The following PUM3 variants were observed in gnomAD, a reference collection of about 807,000 sequenced individuals.
PUM3 encodes the protein pumilio homolog 3.
PUM3 carries 91 observed loss-of-function variants against 84.0 expected under a neutral mutation model. The observed-to-expected ratio is 1.08, with a 90% confidence interval of 0.91 to 1.29. The LOEUF is 1.29. PUM3 is among the 50% of genes most tolerant of loss of function. The pLI is 0.00. For missense variants in PUM3, 1,067 were observed against 767.5 expected, an observed-to-expected ratio of 1.39 and a Z score of -4.61; for synonymous variants, 321 against 266.7, an observed-to-expected ratio of 1.20 and a Z score of -1.98.
At chr9:2,807,101 A>G (rs1460564583) in intron 17 of PUM3, among the ~76,000 whole-genome samples, 1 of 152,054 alleles carries the variant, frequency 6.6e-6, no homozygotes, top group East Asian at 1.9e-4. Flanking sequence ...CCAGCTACTC[A>G]GGAGGCTGAG....
chr9:2,830,187 A>C (rs1013203052), intron 7 of PUM3, among the ~76,000 whole-genome samples: 1 of 152,226 alleles, frequency 6.6e-6, no homozygotes, highest in Non-Finnish European at 1.5e-5. Flanking sequence ...TAAAAGATTC[A>C]AGGAAATAGA....
chr9:2,810,384 T>G lies in PUM3; in HGVS notation c.1683A>C (p.Leu561Phe), dbSNP rs768677846. The change falls in exon 16 of 18, where the codon TTA becomes TTC. Residue 561 changes from leucine (L) to phenylalanine (F), a missense_variant. Coordinates refer to ENST00000397885, the MANE Select transcript of PUM3 (RefSeq NM_014878.5). ...CTTTCATCTTTTTATCTTGCTCTAT[T>G]AACCACTTCAGAACTAGATGTCCTG... ...HPAGHLVLKW[L>F]IEQDKKMKEN... 6 of 1,612,552 alleles carry G rather than the reference T, an allele frequency of 3.7e-6. No individual in the cohort carries two copies. In the South Asian group the frequency reaches 6.6e-5, roughly 18 times the overall value.
intron 3 of PUM3, 109 bp downstream of exon 3, chr9:2,837,070 CA>C (rs775036259): frequency 3.0e-5 from 28 of 931,486 alleles, no homozygotes; most frequent in Non-Finnish European, 4.7e-5. Flanking sequence ...CTACCTGTCC[CA>C]AAATGTTACC....
At chr9:2,814,416 G>A (rs1386763249) in intron 13 of PUM3, among the ~76,000 whole-genome samples, 1 of 152,046 alleles carries the variant, frequency 6.6e-6, no homozygotes, top group Non-Finnish European at 1.5e-5. Flanking sequence ...TCGCCATGTT[G>A]GCCAGGCTGG....
intron 2 of PUM3, among the ~76,000 whole-genome samples, chr9:2,837,917 A>G (rs1816172557): frequency 6.6e-6 from 1 of 152,192 alleles, no homozygotes; most frequent in Non-Finnish European, 1.5e-5. Context: ...ATTATTTATC[A>G]AAAACTTTTG....
intron 1 of PUM3, among the ~76,000 whole-genome samples, chr9:2,843,791 G>C (rs1448896483): frequency 6.6e-6 from 1 of 151,810 alleles, no homozygotes; most frequent in African/African-American, 2.4e-5. Context: ...TGTTAGCCAG[G>C]ATGGTCTCGA....
intron 17 of PUM3, among the ~76,000 whole-genome samples, chr9:2,806,256 A>C (rs1230439605): frequency 6.6e-6 from 1 of 152,240 alleles, no homozygotes. Context: ...ATTTGTAATG[A>C]AAAAGTTCAT....
intron 1 of PUM3, among the ~76,000 whole-genome samples, chr9:2,843,664 C>T (rs192974034): frequency 0.043 from 6,513 of 150,156 alleles, 489 homozygotes; most frequent in African/African-American, 0.15. Flanking sequence ...CTGCAAGCTC[C>T]GCCTCCCGGG....
chr9:2,837,871 T>G (rs966040950), intron 2 of PUM3, among the ~76,000 whole-genome samples: 2 of 152,176 alleles, frequency 1.3e-5, no homozygotes, highest in African/African-American at 2.4e-5. Context: ...TTTTAAAATT[T>G]TCTAGTTTTA....
Position 2,827,088 on chromosome 9 carries a change from G to T in PUM3, c.1020C>A (p.Pro340=). 1 of 1,608,952 alleles carries T rather than the reference G, an allele frequency of 6.2e-7. No homozygotes were observed. The highest frequency in any genetic ancestry group is 1.3e-5 in the African/African-American group (1 of 74,750). ...AAGAACTTACTGATCTGAGTTTGGG[G>T]GGTGCATAGGTAAAAAAGTCCAAGA... ...KVFLDFFTYA[P]PKLRSEMIEA... Residue 340 remains proline (P), a synonymous_variant, in exon 10 of 18, where the codon CCC becomes CCA. Coordinates refer to ENST00000397885, the MANE Select transcript of PUM3 (RefSeq NM_014878.5).
intron 16 of PUM3, among the ~76,000 whole-genome samples, chr9:2,808,286 G>C (rs901907129): frequency 2.0e-5 from 3 of 152,194 alleles, no homozygotes; most frequent in Non-Finnish European, 4.4e-5. Context: ...TTGAAATCAA[G>C]TTCTTCCTCA....
At chr9:2,817,144 T>G (rs1217652256) in intron 13 of PUM3, among the ~76,000 whole-genome samples, 1 of 152,246 alleles carries the variant, frequency 6.6e-6, no homozygotes, top group Non-Finnish European at 1.5e-5. Flanking sequence ...GGATTTGGAT[T>G]AGCAAAAATT....
chr9:2,815,083 C>T (rs2129807703), intron 13 of PUM3, among the ~76,000 whole-genome samples: 1 of 152,244 alleles, frequency 6.6e-6, no homozygotes, highest in Admixed American at 6.5e-5. Flanking sequence ...TCCCCAAATT[C>T]ATTGAACTTT....
Position 2,844,092 on chromosome 9 carries a change from C to CTCCGCT in PUM3, c.-59_-58insAGCGGA, listed in dbSNP as rs1335285701. ...CTCGCGCAGCGGATCCCGACCGCCT[C>CTCCGCT]TCCGCTTCCGCTTCCTTGCCTTGCT... is the stretch of plus-strand genomic sequence containing the variant. On this transcript the variant is annotated 5_prime_UTR_variant, in exon 1 of 18. Transcript: ENST00000397885. 1.2e-5 allele frequency: 2 copies of CTCCGCT among 161,852 alleles called. No homozygotes were observed. Among genetic ancestry groups the CTCCGCT allele is most frequent in the Non-Finnish European group, 2.9e-5 (2 of 68,258 alleles). 10.0% of individuals were successfully genotyped at this position (161,852 alleles called of 1,614,324 possible).
intron 12 of PUM3, 70 bp downstream of exon 12, chr9:2,823,711 T>A: frequency 1.5e-6 from 1 of 665,750 alleles, no homozygotes; most frequent in Non-Finnish European, 2.4e-6. Flanking sequence ...TTTTTCCAAA[T>A]TTTCTATAAT....
chr9:2,843,577 T>C (rs1231769615), intron 1 of PUM3, among the ~76,000 whole-genome samples: 4 of 139,804 alleles, frequency 2.9e-5, no homozygotes, highest in African/African-American at 8.1e-5. Flanking sequence ...GCCCTTCTTT[T>C]TTTTTTTTTT....
chr9:2,810,480 C>A, intron 15 of PUM3, 49 bp from the exon 16 acceptor site: 1 of 1,301,314 alleles, frequency 7.7e-7, no homozygotes, highest in East Asian at 2.3e-5. Context: ...TTCATTCATA[C>A]AAATACATTT....
Position 2,827,080 on chromosome 9 carries a change from A to T in PUM3, c.1028T>A (p.Leu343His). 1 of 1,608,360 alleles carries T rather than the reference A, an allele frequency of 6.2e-7. No individual in the cohort carries two copies. Among genetic ancestry groups the T allele is most frequent in the Admixed American group, 1.7e-5 (1 of 59,166 alleles). Residue 343 changes from leucine (L) to histidine (H), a missense_variant, in exon 10 of 18, where the codon CTC becomes CAC. Leu to His is a moderately conservative substitution (Grantham distance 99). Coordinates refer to ENST00000397885, the MANE Select transcript of PUM3 (RefSeq NM_014878.5). Reference sequence around the variant, plus strand: ...CAAAAACCAAGAACTTACTGATCTGAGTTTGGGGGGTGCATAGGTAAAAAA... The same window carrying T: ...CAAAAACCAAGAACTTACTGATCTGTGTTTGGGGGGTGCATAGGTAAAAAA... ...LDFFTYAPPKLRSEMIEAIRE... is the reference protein window; with the variant it reads ...LDFFTYAPPKHRSEMIEAIRE...
At chr9:2,820,336 T>C (rs1265011856) in intron 12 of PUM3, among the ~76,000 whole-genome samples, 1 of 152,194 alleles carries the variant, frequency 6.6e-6, no homozygotes, top group African/African-American at 2.4e-5. Flanking sequence ...GTTGATTTTT[T>C]TTTAAAGCAC....
Sources: gnomAD v4.1 joint callset for allele counts (sites outside exome capture counted in the v4.1 genomes callset) on GRCh38, gnomAD v4.1.1 for gene constraint, MANE v1.5 for transcripts, NCBI Gene and HGNC (gene_info 2026-07-23, HGNC 2026-07-21) for gene names.